PGM5: variants seen among roughly 807,000 people sequenced by gnomAD.
PGM5 encodes phosphoglucomutase-like protein 5.
A neutral mutation model predicts 59.2 loss-of-function variants in PGM5; 23 were observed. The observed-to-expected ratio is 0.39, with a 90% CI of 0.28 to 0.55. The LOEUF is 0.55. Ranked by LOEUF, PGM5 falls within the 20% of genes least tolerant of loss-of-function variation. PGM5 has a pLI of 0.66. For missense variants in PGM5, 574 were observed against 748.3 expected (o/e 0.77, Z 2.72); for synonymous variants, 214 against 286.0 (o/e 0.75, Z 2.54).
chr9:68,452,492 T>TG (rs1410376215), intron 6 of PGM5, among the ~76,000 whole-genome samples: 1 of 152,206 alleles, frequency 6.6e-6, no homozygotes, highest in Non-Finnish European at 1.5e-5. Context: ...CAACCTATTT[T>TG]GGTCTCTGTC....
At chr9:68,440,071 T>A (rs1221286699) in intron 6 of PGM5, among the ~76,000 whole-genome samples, 4 of 152,056 alleles carry the variant, frequency 2.6e-5, no homozygotes, top group African/African-American at 9.7e-5. Flanking sequence ...TTAAAGTACA[T>A]AAGCAAAAAT....
intron 10 of PGM5, among the ~76,000 whole-genome samples, chr9:68,524,994 A>C (rs1824950326): frequency 6.6e-6 from 1 of 152,202 alleles, no homozygotes; most frequent in Non-Finnish European, 1.5e-5. Context: ...TTCCAGCTCC[A>C]TGTTAGAAAA....
intron 5 of PGM5, 91 bp downstream of exon 5, chr9:68,391,815 TA>T (rs1244331448): frequency 7.6e-7 from 1 of 1,323,838 alleles, no homozygotes; most frequent in African/African-American, 1.5e-5. Flanking sequence ...CATCTGGAGC[TA>T]ACATGTATGG....
intron 9 of PGM5, among the ~76,000 whole-genome samples, chr9:68,488,303 G>A (rs782148732): frequency 6.6e-6 from 1 of 152,044 alleles, no homozygotes; most frequent in Non-Finnish European, 1.5e-5. Context: ...AAGGCAGCTT[G>A]GTCTCCTTTA....
chr9:68,502,812 C>T (rs1282199748), intron 10 of PGM5, among the ~76,000 whole-genome samples: 1 of 152,112 alleles, frequency 6.6e-6, no homozygotes, highest in African/African-American at 2.4e-5. Context: ...GCCTCAGCCC[C>T]CCGAGTAGCG....
In PGM5 at chr9:68,529,678, A is replaced by G; in HGVS notation, c.*22A>G. On this transcript the variant is annotated 3_prime_UTR_variant, in exon 11 of 11. Transcript: ENST00000396396. ...CTGAATAGAGGAAAGATCACTCACC[A>G]GGGCCAAAGAGAGTGCTCAGCGGGA... 1.4e-6 allele frequency: 2 copies of G among 1,463,826 alleles called. No individual in the cohort carries two copies. Among genetic ancestry groups the G allele is most frequent in the African/African-American group, 2.8e-5 (2 of 71,158 alleles). The allele number at this position is 1,463,826 out of a possible 1,614,324, so 90.7% of individuals were successfully genotyped here. A position where few individuals can be genotyped will look rare whatever the true frequency, so the allele number is the denominator to read the frequency against.
At chr9:68,490,504 GCCA>G (rs1824373717) in intron 9 of PGM5, among the ~76,000 whole-genome samples, 1 of 152,096 alleles carries the variant, frequency 6.6e-6, no homozygotes, top group Non-Finnish European at 1.5e-5. Context: ...ACAGGCATGC[GCCA>G]CCATACCCGG....
chr9:68,370,925 G>C (rs1160847117), intron 1 of PGM5, among the ~76,000 whole-genome samples: 1 of 152,192 alleles, frequency 6.6e-6, no homozygotes, highest in Non-Finnish European at 1.5e-5. Flanking sequence ...AATTTATCAT[G>C]AGTCTGTCTG....
intron 4 of PGM5, among the ~76,000 whole-genome samples, chr9:68,390,148 A>G (rs2260641): frequency 5.7e-4 from 87 of 152,026 alleles, no homozygotes; most frequent in African/African-American, 1.9e-3. Flanking sequence ...TGAGCCTGCT[A>G]TGGGTCTTCT....
At chr9:68,493,959 G>A (rs1587214991) in intron 9 of PGM5, among the ~76,000 whole-genome samples, 2 of 152,148 alleles carry the variant, frequency 1.3e-5, no homozygotes, top group South Asian at 2.1e-4. Flanking sequence ...AGCAGAACTC[G>A]ACTGTCATCA....
intron 6 of PGM5, among the ~76,000 whole-genome samples, chr9:68,432,214 T>A (rs1373209454): frequency 1.3e-5 from 2 of 152,138 alleles, no homozygotes; most frequent in Non-Finnish European, 2.9e-5. Context: ...AATTTTTTTT[T>A]TTTGAGACAA....
rs1391067343 is a variant in PGM5, at chr9:68,452,345, A to G, written c.1044-12748A>G. ...TCTCCTAAGCACCAAGAGCCCCTACACGGAATGGAACCACGCAGACCAACA... is the reference window on the plus strand; with the variant it reads ...TCTCCTAAGCACCAAGAGCCCCTACGCGGAATGGAACCACGCAGACCAACA... On this transcript the variant is annotated intron_variant, in intron 6 of 10. Transcript: ENST00000396396. Among the ~76,000 whole-genome samples, 3 of 152,246 alleles carry G rather than the reference A, an allele frequency of 2.0e-5. No individual in the cohort carries two copies. In the East Asian group the frequency reaches 5.8e-4, roughly 29 times the overall value.
intron 6 of PGM5, among the ~76,000 whole-genome samples, chr9:68,441,154 T>C (rs7866604): frequency 0.038 from 5,747 of 152,154 alleles, 146 homozygotes; most frequent in African/African-American, 0.082. Flanking sequence ...ATTGACTTCA[T>C]AGTTTAAAAC....
chr9:68,453,582 C>G (rs985684958), intron 6 of PGM5, among the ~76,000 whole-genome samples: 6 of 152,300 alleles, frequency 3.9e-5, no homozygotes, highest in East Asian at 3.9e-4. Flanking sequence ...AGCTATCCCC[C>G]CTCCTTGGCC....
chr9:68,376,885 TTTTTC>T (rs1821930737), intron 1 of PGM5, among the ~76,000 whole-genome samples: 1 of 133,594 alleles, frequency 7.5e-6, no homozygotes, highest in Admixed American at 8.0e-5. Flanking sequence ...TTTCTTTCTT[TTTTTC>T]TTTCTTTCTC....
At chr9:68,387,860 ATAGTT>A (rs1563989201) in intron 4 of PGM5, among the ~76,000 whole-genome samples, 1 of 152,016 alleles carries the variant, frequency 6.6e-6, no homozygotes, top group East Asian at 1.9e-4. Flanking sequence ...TATGCATGGC[ATAGTT>A]TAAACAGTCA....
chr9:68,432,522 A>G (rs908697978), intron 6 of PGM5, among the ~76,000 whole-genome samples: 18 of 152,148 alleles, frequency 1.2e-4, no homozygotes, highest in Admixed American at 5.2e-4. Flanking sequence ...AAAAAAAAAA[A>G]TTGACGTTAT....
intron 10 of PGM5, among the ~76,000 whole-genome samples, chr9:68,518,459 C>T (rs936806101): frequency 6.6e-6 from 1 of 152,112 alleles, no homozygotes; most frequent in African/African-American, 2.4e-5. Context: ...TCTATAGATA[C>T]TGGAATTTAT....
chr9:68,365,870 T>A (rs1834669636), intron 1 of PGM5, among the ~76,000 whole-genome samples: 1 of 151,552 alleles, frequency 6.6e-6, no homozygotes, highest in Admixed American at 6.6e-5. Context: ...GGAAGGAGAG[T>A]TTTACAACAA....
Sources: allele counts gnomAD v4.1 joint callset (sites outside exome capture counted in the v4.1 genomes callset), GRCh38; gene constraint gnomAD v4.1.1; transcripts MANE v1.5; gene names NCBI Gene and HGNC (gene_info 2026-07-23, HGNC 2026-07-21).